DYM: variants seen among roughly 807,000 people sequenced by gnomAD.
The protein encoded by DYM is dyggve-Melchior-Clausen syndrome protein.
Under a neutral mutation model 93.1 loss-of-function variants are expected in DYM, and 78 were observed. The ratio of observed to expected loss-of-function variants is 0.84; its 90% CI spans 0.70 to 1.01. The LOEUF (loss-of-function observed/expected upper bound fraction) is 1.01, where lower values mean the gene tolerates loss of function less well. Among genes scored for constraint, DYM ranks in the 50% least tolerant of loss-of-function variants. The probability of loss-of-function intolerance (pLI) is 0.00; values close to 1 mark genes in which losing one functional copy is unlikely to be tolerated. For missense variants in DYM, 789 were observed against 845.0 expected, an observed-to-expected ratio of 0.93 and a Z score of 0.82; for synonymous variants, 321 against 319.7, an observed-to-expected ratio of 1.00 and a Z score of -0.04.
chr18:49,163,816 A>G (rs935867461), intron 14 of DYM, 29 bp from the exon 15 acceptor site: 5 of 1,409,748 alleles, frequency 3.5e-6, no homozygotes, highest in Admixed American at 3.6e-5. Flanking sequence ...AACCAATTAT[A>G]TTAAAGGAAC....
chr18:49,242,168 T>C (rs1220624771), intron 13 of DYM, among the ~76,000 whole-genome samples: 2 of 152,202 alleles, frequency 1.3e-5, no homozygotes, highest in Non-Finnish European at 2.9e-5. Flanking sequence ...TCCCAGCACT[T>C]TGGGAGGCCG....
chr18:49,452,951 G>GTA (rs2082650752), intron 1 of DYM, among the ~76,000 whole-genome samples: 1 of 130,380 alleles, frequency 7.7e-6, no homozygotes. Context: ...CTCAGGGTTT[G>GTA]AGGATGCACC....
chr18:49,060,718 G>A (rs1203083507), intron 17 of DYM, among the ~76,000 whole-genome samples: 4 of 91,784 alleles, frequency 4.4e-5, no homozygotes, highest in Non-Finnish European at 6.9e-5. Context: ...AGAGAGGGAG[G>A]TGGGGGGAGA....
chr18:49,436,917 A>G (rs1316219737), intron 1 of DYM, among the ~76,000 whole-genome samples: 1 of 152,212 alleles, frequency 6.6e-6, no homozygotes, highest in Non-Finnish European at 1.5e-5. Context: ...AAAGCAAGCA[A>G]TTTTACTCTA....
At chr18:49,188,746 G>A (rs182279711) in intron 14 of DYM, among the ~76,000 whole-genome samples, 193 of 152,224 alleles carry the variant, frequency 1.3e-3, no homozygotes, top group Non-Finnish European at 2.1e-3. Context: ...GTTAAATGAC[G>A]AGTTACTGGG....
intron 17 of DYM, among the ~76,000 whole-genome samples, chr18:49,082,436 C>CA (rs1315236553): frequency 4.6e-5 from 7 of 152,164 alleles, no homozygotes; most frequent in Non-Finnish European, 1.0e-4. Context: ...ACTTAATTCC[C>CA]AAGCCAACTT....
At chr18:49,258,986 A>AC (rs2094447970) in intron 11 of DYM, among the ~76,000 whole-genome samples, 1 of 150,914 alleles carries the variant, frequency 6.6e-6, no homozygotes, top group Admixed American at 6.6e-5. Flanking sequence ...AAAAACAAAA[A>AC]AAAAAACAAA....
intron 14 of DYM, among the ~76,000 whole-genome samples, chr18:49,178,647 A>C (rs1413059093): frequency 6.6e-6 from 1 of 152,198 alleles, no homozygotes; most frequent in Non-Finnish European, 1.5e-5. Flanking sequence ...AAATGATAAA[A>C]TTATAATTCT....
At chr18:49,377,562 A>AAAGAAT (rs1269295198) in intron 5 of DYM, among the ~76,000 whole-genome samples, 1 of 152,156 alleles carries the variant, frequency 6.6e-6, no homozygotes, top group Non-Finnish European at 1.5e-5. Flanking sequence ...TCCATCTCAA[A>AAAGAAT]AAAAATAAAA....
At chr18:49,170,961 C>T (rs983471807) in intron 14 of DYM, among the ~76,000 whole-genome samples, 7 of 151,900 alleles carry the variant, frequency 4.6e-5, no homozygotes, top group Non-Finnish European at 1.0e-4. Context: ...TAAAAGCTGT[C>T]AAATAGTAAA....
chr18:49,036,602 A>C lies in DYM; in HGVS notation c.*7453T>G, dbSNP rs1466621730. On this transcript the variant is annotated 3_prime_UTR_variant, in exon 18 of 18. Coordinates refer to ENST00000675505, the MANE Select transcript of DYM (RefSeq NM_001353214.3). ...TCTCTCACTCCATTGCCCAGGCTGGAGTGTGGTGCCATGACCACAGCTCAC... is the reference window on the plus strand; with the variant it reads ...TCTCTCACTCCATTGCCCAGGCTGGCGTGTGGTGCCATGACCACAGCTCAC... Among the ~76,000 whole-genome samples the C allele has an allele frequency of 6.6e-6, 1 of 152,134 alleles. No homozygotes were observed. The highest frequency in any genetic ancestry group is 1.5e-5 in the Non-Finnish European group (1 of 68,026).
intron 8 of DYM, among the ~76,000 whole-genome samples, chr18:49,302,639 AG>A (rs1467074213): frequency 6.6e-6 from 1 of 152,158 alleles, no homozygotes; most frequent in Non-Finnish European, 1.5e-5. Context: ...AAGAGAAGTA[AG>A]GGGGAAGGAA....
intron 15 of DYM, among the ~76,000 whole-genome samples, chr18:49,162,355 T>G (rs1036586122): frequency 1.3e-5 from 2 of 152,170 alleles, no homozygotes; most frequent in Non-Finnish European, 2.9e-5. Flanking sequence ...GGTGAGAACC[T>G]TCTTGCTAGT....
Position 49,409,185 on chromosome 18 carries a change from G to A in DYM, c.141-17540C>T, listed in dbSNP as rs191566005. Among the ~76,000 whole-genome samples, 10 of 151,330 alleles carry A rather than the reference G, an allele frequency of 6.6e-5. No individual in the cohort carries two copies. The East Asian group carries it at 1.9e-3, about 29-fold the overall frequency. Reference sequence around the variant, plus strand: ...TGTAGTCCCAGCTACTCAGGAGGCTGAGGCAGGAGAATCACTTGAACCTGG... The same window carrying A: ...TGTAGTCCCAGCTACTCAGGAGGCTAAGGCAGGAGAATCACTTGAACCTGG... On this transcript the variant is annotated intron_variant, in intron 2 of 17. Coordinates refer to ENST00000675505, the MANE Select transcript of DYM (RefSeq NM_001353214.3).
chr18:49,267,208 A>G (rs2094584885), intron 11 of DYM, among the ~76,000 whole-genome samples: 1 of 152,126 alleles, frequency 6.6e-6, no homozygotes, highest in African/African-American at 2.4e-5. Flanking sequence ...TTTAAAAAAA[A>G]AAAAGAAGAG....
At chr18:49,441,172 TA>T (rs561514681) in intron 1 of DYM, among the ~76,000 whole-genome samples, 3,891 of 27,680 alleles carry the variant, frequency 0.14, 550 homozygotes, top group East Asian at 0.37. Flanking sequence ...ATATATTATA[TA>T]ATTATATATT....
intron 17 of DYM, among the ~76,000 whole-genome samples, chr18:49,052,066 CTGTT>C (rs1313729296): frequency 9.9e-5 from 15 of 152,228 alleles, no homozygotes; most frequent in Admixed American, 5.2e-4. Context: ...TAATCGCACT[CTGTT>C]TGTTATTTAT....
intron 14 of DYM, among the ~76,000 whole-genome samples, chr18:49,206,745 C>A (rs1360255901): frequency 6.6e-6 from 1 of 152,142 alleles, no homozygotes; most frequent in African/African-American, 2.4e-5. Context: ...CACTGTATTT[C>A]TTCTCTGTTG....
At chr18:49,087,456 A>T (rs1168048326) in intron 17 of DYM, among the ~76,000 whole-genome samples, 1 of 152,256 alleles carries the variant, frequency 6.6e-6, no homozygotes, top group Non-Finnish European at 1.5e-5. Context: ...CACATATTTA[A>T]TTAAACAAAA....
Sources: gnomAD v4.1 joint callset for allele counts (sites outside exome capture counted in the v4.1 genomes callset) on GRCh38, gnomAD v4.1.1 for gene constraint, MANE v1.5 for transcripts, NCBI Gene and HGNC (gene_info 2026-07-23, HGNC 2026-07-21) for gene names.